The following CAMTA1 variants were observed in gnomAD, a reference collection of about 807,000 sequenced individuals.
CAMTA1 encodes the protein calmodulin binding transcription activator 1, also known as calmodulin-binding transcription activator 1.
In CAMTA1, 27 loss-of-function variants were observed where a neutral mutation model predicts 170.9. That is an observed-to-expected ratio of 0.16 (90% CI 0.12 to 0.22). CAMTA1 has a LOEUF of 0.22. Among genes scored for constraint, CAMTA1 ranks in the 10% least tolerant of loss-of-function variants. The probability of loss-of-function intolerance (pLI) is 1.00; values close to 1 mark genes in which losing one functional copy is unlikely to be tolerated. For missense variants in CAMTA1, 1,619 were observed against 2,217.2 expected (o/e 0.73, Z 5.42); for synonymous variants, 833 against 891.5 (o/e 0.93, Z 1.17).
At chr1:7,274,335 AG>A (rs941422810) in intron 5 of CAMTA1, among the ~76,000 whole-genome samples, 1 of 152,224 alleles carries the variant, frequency 6.6e-6, no homozygotes, top group African/African-American at 2.4e-5. Context: ...AGTAGACTTC[AG>A]GACAAGAACT....
chr1:6,809,118 T>C (rs548386274), intron 1 of CAMTA1, among the ~76,000 whole-genome samples: 61 of 151,240 alleles, frequency 4.0e-4, no homozygotes, highest in Admixed American at 2.0e-3. Flanking sequence ...CATCCACCTC[T>C]CAGGTTCAAG....
At chr1:7,145,890 C>T (rs1894647) in intron 4 of CAMTA1, among the ~76,000 whole-genome samples, 9,228 of 152,164 alleles carry the variant, frequency 0.061, 335 homozygotes, top group East Asian at 0.14. Flanking sequence ...AAAACGTAAT[C>T]CTGGGTTCAA....
chr1:6,791,209 T>G (rs940096736), intron 1 of CAMTA1, among the ~76,000 whole-genome samples: 2 of 150,490 alleles, frequency 1.3e-5, no homozygotes, highest in African/African-American at 4.9e-5. Context: ...CTTTCCCACA[T>G]AGAGAGGTTT....
intron 4 of CAMTA1, among the ~76,000 whole-genome samples, chr1:7,142,402 G>C (rs1645939554): frequency 1.3e-5 from 2 of 152,238 alleles, no homozygotes; most frequent in Non-Finnish European, 2.9e-5. Flanking sequence ...CTACCACCCA[G>C]CTCGGCCTCC....
intron 6 of CAMTA1, among the ~76,000 whole-genome samples, chr1:7,546,773 C>A (rs1315667664): frequency 6.6e-6 from 1 of 152,074 alleles, no homozygotes; most frequent in African/African-American, 2.4e-5. Context: ...AGCACTTTTT[C>A]ATATGCTTGT....
intron 16 of CAMTA1, among the ~76,000 whole-genome samples, chr1:7,741,554 T>C: frequency 6.7e-6 from 1 of 149,264 alleles, no homozygotes; most frequent in Non-Finnish European, 1.5e-5. Context: ...AGAGCGAGAC[T>C]CTCTCTCAAA....
rs141406803 is a variant in CAMTA1, at chr1:7,248,429, G to A, written c.303-1062G>A. The stretch of plus-strand genomic sequence containing the variant: ...GAGGTGGCAAGCCTGCACTGGCCTC[G>A]TGGTGCGCAGAATCGCTGGCATTCC... On this transcript the variant is annotated intron_variant, in intron 4 of 22. Coordinates refer to ENST00000303635, the MANE Select transcript of CAMTA1 (RefSeq NM_015215.4). This position sits in a 1 kb window ranked among gnomAD's most constrained non-coding sequence, Gnocchi z 4.0. Among the ~76,000 whole-genome samples the A allele has an allele frequency of 1.1e-3, 169 of 152,340 alleles. No individual in the cohort carries two copies. Among genetic ancestry groups the A allele is most frequent in the African/African-American group, 3.9e-3 (163 of 41,576 alleles).
rs1705044517 is a variant in CAMTA1 at position 7,044,557 on chromosome 1, C to CCTCT, written c.235-46747_235-46746insCTCT. 1.3e-5 allele frequency among the ~76,000 whole-genome samples: 2 copies of CCTCT among 152,192 alleles called. No individual in the cohort carries two copies. The highest frequency in any genetic ancestry group is 2.9e-5 in the Non-Finnish European group (2 of 68,024). On this transcript the variant is annotated intron_variant, in intron 3 of 22. Coordinates refer to ENST00000303635, the MANE Select transcript of CAMTA1 (RefSeq NM_015215.4). This position sits in a 1 kb window ranked among gnomAD's most constrained non-coding sequence, Gnocchi z 5.0. The stretch of plus-strand genomic sequence containing the variant: ...GCTAGGAAGGCACATGCGTGATTAG[C>CCTCT]AGATGGGTGATGGGGCCTCTAGCGG...
At chr1:7,750,094 C>T (rs1057244875) in intron 19 of CAMTA1, among the ~76,000 whole-genome samples, 3 of 152,180 alleles carry the variant, frequency 2.0e-5, no homozygotes, top group South Asian at 2.1e-4. Context: ...CACTGTGGCC[C>T]GATGGGTCTG....
At chr1:7,021,401 CTT>C (rs148459098) in intron 3 of CAMTA1, among the ~76,000 whole-genome samples, 3,100 of 152,308 alleles carry the variant, frequency 0.02, 88 homozygotes, top group African/African-American at 0.07. Context: ...CAGCTTCTCT[CTT>C]TGTCTGTCTG....
intron 6 of CAMTA1, among the ~76,000 whole-genome samples, chr1:7,591,006 T>C (rs370875582): frequency 3.3e-5 from 5 of 152,352 alleles, no homozygotes; most frequent in African/African-American, 9.6e-5. Context: ...GATTATCAAG[T>C]GTGTGACCAC....
intron 4 of CAMTA1, among the ~76,000 whole-genome samples, chr1:7,106,270 G>GAGAA (rs1274348071): frequency 2.0e-5 from 3 of 151,524 alleles, no homozygotes; most frequent in African/African-American, 7.3e-5. Flanking sequence ...GAGAGAGAGA[G>GAGAA]AGAAAGAAAG....
intron 6 of CAMTA1, among the ~76,000 whole-genome samples, chr1:7,520,080 C>T (rs2094340217): frequency 6.7e-6 from 1 of 149,028 alleles, no homozygotes; most frequent in Non-Finnish European, 1.5e-5. Context: ...TCTTTGTGGA[C>T]TCCCCACCAG....
chr1:7,064,415 A>T lies in CAMTA1; in HGVS notation c.235-26889A>T, dbSNP rs985862163. Among the ~76,000 whole-genome samples, 1 of 152,200 alleles carries T rather than the reference A, an allele frequency of 6.6e-6. No individual in the cohort carries two copies. Among genetic ancestry groups the T allele is most frequent in the Non-Finnish European group, 1.5e-5 (1 of 68,036 alleles). Reference sequence around the variant, plus strand: ...CCATAGCATTGGGGGTTGGGGCTTCAACCTATTAATTTTGGGGAAATACAA... The same window carrying T: ...CCATAGCATTGGGGGTTGGGGCTTCTACCTATTAATTTTGGGGAAATACAA... On this transcript the variant is annotated intron_variant, in intron 3 of 22. Coordinates refer to ENST00000303635, the MANE Select transcript of CAMTA1 (RefSeq NM_015215.4). This position sits in a 1 kb window ranked among gnomAD's most constrained non-coding sequence, Gnocchi z 5.4.
chr1:7,213,224 C>G (rs557741427), intron 4 of CAMTA1, among the ~76,000 whole-genome samples: 2 of 152,324 alleles, frequency 1.3e-5, no homozygotes, highest in Middle Eastern at 3.4e-3. Context: ...ATTTTCCCAC[C>G]AGCAATGTAC....
chr1:7,048,723 G>A lies in CAMTA1; in HGVS notation c.235-42581G>A, dbSNP rs576171592. On this transcript the variant is annotated intron_variant, in intron 3 of 22. Coordinates refer to ENST00000303635, the MANE Select transcript of CAMTA1 (RefSeq NM_015215.4). Reference sequence around the variant, plus strand: ...AGCTGGTCTTGAGTCCGAAGTGAGCGGCTTCCTTTGTCGCTTGGGAGCTGC... The same window carrying A: ...AGCTGGTCTTGAGTCCGAAGTGAGCAGCTTCCTTTGTCGCTTGGGAGCTGC... Among the ~76,000 whole-genome samples, 26 of 152,298 alleles carry A rather than the reference G, an allele frequency of 1.7e-4. No homozygotes were observed. In the East Asian group the frequency reaches 4.6e-3, roughly 27 times the overall value.
chr1:6,959,729 C>T (rs1243289988), intron 3 of CAMTA1, among the ~76,000 whole-genome samples: 1 of 152,160 alleles, frequency 6.6e-6, no homozygotes, highest in African/African-American at 2.4e-5. Flanking sequence ...CCCTGACTGC[C>T]CCATTTTCCT....
intron 3 of CAMTA1, among the ~76,000 whole-genome samples, chr1:6,870,323 G>A (rs1668036985): frequency 1.3e-5 from 2 of 151,926 alleles, no homozygotes; most frequent in South Asian, 4.1e-4. Context: ...TGAAATGCAA[G>A]TTTACTTTTC....
chr1:7,548,363 G>A (rs752557779), intron 6 of CAMTA1, among the ~76,000 whole-genome samples: 57 of 151,678 alleles, frequency 3.8e-4, no homozygotes, highest in Non-Finnish European at 5.0e-4. Flanking sequence ...TGCAGGGTGC[G>A]CCTTAGGAAT....
Sources: allele counts gnomAD v4.1 joint callset (sites outside exome capture counted in the v4.1 genomes callset), GRCh38; gene constraint gnomAD v4.1.1; non-coding constraint Gnocchi (gnomAD v3.1); transcripts MANE v1.5; gene names NCBI Gene and HGNC (gene_info 2026-07-23, HGNC 2026-07-21).